Variants in PLEKHG7 observed in about 807,000 individuals in gnomAD.
The protein encoded by PLEKHG7 is pleckstrin homology and RhoGEF domain containing G7, also known as pleckstrin homology domain-containing family G member 7.
In PLEKHG7, 77 loss-of-function variants were observed where a neutral mutation model predicts 85.2. The observed-to-expected ratio is 0.90, with a 90% confidence interval of 0.75 to 1.09. The LOEUF is 1.09. Ranked by LOEUF, PLEKHG7 falls within the 50% of genes least tolerant of loss-of-function variation. The pLI is 0.00. For synonymous variants in PLEKHG7, 301 were observed against 302.4 expected (o/e 1.00, Z 0.05); for missense variants, 777 against 804.3 (o/e 0.97, Z 0.41).
chr12:92,716,817 T>A (rs970324705), intron 3 of PLEKHG7, among the ~76,000 whole-genome samples: 3 of 152,250 alleles, frequency 2.0e-5, no homozygotes, highest in African/African-American at 7.2e-5. Context: ...GAGCAGAGAC[T>A]GCTTCTTATT....
intron 7 of PLEKHG7, among the ~76,000 whole-genome samples, chr12:92,739,931 T>G (rs1872299962): frequency 6.6e-6 from 1 of 152,164 alleles, no homozygotes; most frequent in Middle Eastern, 3.2e-3. Flanking sequence ...ACCAGCAGCA[T>G]CAGAATCCCT....
intron 3 of PLEKHG7, among the ~76,000 whole-genome samples, chr12:92,725,195 C>A (rs567503626): frequency 6.6e-6 from 1 of 152,224 alleles, no homozygotes; most frequent in South Asian, 2.1e-4. Context: ...TAAAACATTC[C>A]CAGCCAAAGC....
At position 92,756,392 on chromosome 12, in the gene PLEKHG7, G is replaced by A. The variant is rs752881206; in HGVS notation, c.1636+1G>A. On this transcript the variant is annotated splice_donor_variant, in intron 13 of 16. Transcript: ENST00000344636. LOFTEE classifies it high-confidence loss of function. ...TATGAAGGAAAATTAACTCTTGCAG[G>A]TAAATAACTGCTTCCTTTAAAAAAC... is the stretch of plus-strand genomic sequence containing the variant. 2.5e-6 allele frequency: 4 copies of A among 1,601,608 alleles called. No individual in the cohort carries two copies. In the Admixed American group the frequency reaches 6.7e-5, roughly 27 times the overall value.
At chr12:92,737,610 A>C in intron 7 of PLEKHG7, 89 bp downstream of exon 7, 1 of 1,292,906 alleles carries the variant, frequency 7.7e-7, no homozygotes, top group South Asian at 1.3e-5. Flanking sequence ...GAAATAAAGA[A>C]AAGAAAGAGA....
intron 10 of PLEKHG7, among the ~76,000 whole-genome samples, chr12:92,746,287 T>C (rs1872530986): frequency 6.6e-6 from 1 of 152,176 alleles, no homozygotes; most frequent in Non-Finnish European, 1.5e-5. Flanking sequence ...GAAAACCAGC[T>C]CTTCCCTGCA....
At chr12:92,737,626 G>GAAAGAA in intron 7 of PLEKHG7, 105 bp downstream of exon 7, 1 of 1,033,268 alleles carries the variant, frequency 9.7e-7, no homozygotes, top group Non-Finnish European at 1.4e-6. Flanking sequence ...AGAGAGAAAA[G>GAAAGAA]AAAGAAAGAG....
chr12:92,770,078 TTTTCAACAGAAA>T lies in PLEKHG7; in HGVS notation c.1969-9_1971del, dbSNP rs1298534789. 6.4e-7 allele frequency: 1 copy of T among 1,560,498 alleles called. No individual in the cohort carries two copies. The highest frequency in any genetic ancestry group is 8.7e-7 in the Non-Finnish European group (1 of 1,151,886). On this transcript the variant is annotated splice_acceptor_variant and splice_polypyrimidine_tract_variant and coding_sequence_variant and intron_variant, in exon 17 of 17. Coordinates refer to ENST00000344636, the MANE Select transcript of PLEKHG7 (RefSeq NM_001377329.1). LOFTEE classifies it high-confidence loss of function. ...TCTCTATTTATGTATTTTTTTCTTT[TTTTCAACAGAAA>T]ACATGGATGGCACAAATAACAACTG...
At chr12:92,752,080 C>T (rs1233300264) in intron 10 of PLEKHG7, among the ~76,000 whole-genome samples, 1 of 151,460 alleles carries the variant, frequency 6.6e-6, no homozygotes, top group Non-Finnish European at 1.5e-5. Flanking sequence ...CCACCTCACC[C>T]CACCAAGGAC....
intron 3 of PLEKHG7, chr12:92,721,545 T>C (rs1329181717): frequency 1.6e-5 from 19 of 1,225,104 alleles, no homozygotes; most frequent in East Asian, 9.5e-5. Flanking sequence ...AGTGGCTATA[T>C]TGGGGTTTCT....
In PLEKHG7 at chr12:92,721,592, G is replaced by A. The variant is rs970906852; in HGVS notation, c.531-7401G>A. The A allele has an allele frequency of 6.8e-6, 8 of 1,176,626 alleles. No homozygotes were observed. In the African/African-American group the frequency reaches 1.1e-4, roughly 16 times the overall value. 72.9% of individuals were successfully genotyped at this position (1,176,626 alleles called of 1,614,324 possible). A position where few individuals can be genotyped will look rare whatever the true frequency, so the allele number is the denominator to read the frequency against. ...GGGGGTGGGGAAAGCCAGTGGAAGG[G>A]TGTCCTGCTCTAGAGAGCTGCAAAG... On this transcript the variant is annotated intron_variant, in intron 3 of 16. Coordinates refer to ENST00000344636, the MANE Select transcript of PLEKHG7 (RefSeq NM_001377329.1).
chr12:92,707,232 C>T (rs1476749337), intron 2 of PLEKHG7, 94 bp downstream of exon 2: 33 of 1,475,126 alleles, frequency 2.2e-5, no homozygotes, highest in Non-Finnish European at 1.5e-5. Context: ...GCCAGTAGAT[C>T]CTAAAAAGGA....
At chr12:92,744,034 C>T (rs11106691) in intron 9 of PLEKHG7, among the ~76,000 whole-genome samples, 3 of 152,222 alleles carry the variant, frequency 2.0e-5, no homozygotes, top group Non-Finnish European at 2.9e-5. Context: ...TTACTTCTTG[C>T]TGAAGCCAAA....
chr12:92,760,211 G>A (rs915915105), intron 13 of PLEKHG7, among the ~76,000 whole-genome samples: 2 of 152,154 alleles, frequency 1.3e-5, no homozygotes, highest in Non-Finnish European at 2.9e-5. Context: ...CTCTGAGGAT[G>A]GGTACTCACT....
intron 13 of PLEKHG7, 73 bp from the exon 14 acceptor site, chr12:92,761,654 GAAAGAAAGAAAGAAAGAAAGAAAGA>G (rs1303662676): frequency 5.0e-6 from 6 of 1,198,184 alleles, no homozygotes; most frequent in Non-Finnish European, 6.5e-6. Flanking sequence ...AAGAAAGAAA[GAAAGAAAGAAAGAAAGAAAGAAAGA>G]AAGAAAGGGA....
rs752881206 is a variant in PLEKHG7, at chr12:92,756,392, G to T, written c.1636+1G>T. On this transcript the variant is annotated splice_donor_variant, in intron 13 of 16. Transcript: ENST00000344636. LOFTEE classifies it high-confidence loss of function. ...TATGAAGGAAAATTAACTCTTGCAG[G>T]TAAATAACTGCTTCCTTTAAAAAAC... The T allele has an allele frequency of 1.9e-6, 3 of 1,601,608 alleles. No individual in the cohort carries two copies. The highest frequency in any genetic ancestry group is 2.7e-5 in the African/African-American group (2 of 74,600).
chr12:92,770,855 C>T lies in PLEKHG7; in HGVS notation c.*660C>T, dbSNP rs954453218. The T allele has an allele frequency of 2.0e-5, 3 of 152,216 alleles. No individual in the cohort carries two copies. The highest frequency in any genetic ancestry group is 7.2e-5 in the African/African-American group (3 of 41,552). 9.4% of individuals were successfully genotyped at this position (152,216 alleles called of 1,614,324 possible). A position where few individuals can be genotyped will look rare whatever the true frequency, so the allele number is the denominator to read the frequency against. ...GAAGAAAAAAAAAATCTGGCTTTCA[C>T]CAGTTAACACTTTTGCATGGCTTTT... On this transcript the variant is annotated 3_prime_UTR_variant, in exon 17 of 17. Transcript: ENST00000344636.
Position 92,723,749 on chromosome 12 carries a change from C to T in PLEKHG7, c.531-5244C>T, listed in dbSNP as rs563707777. On this transcript the variant is annotated intron_variant, in intron 3 of 16. Transcript: ENST00000344636. ...AAATTTGACCCCACATTCTTAACCA[C>T]CACTCCAGAGGACTATAGAAGCATG... is the stretch of plus-strand genomic sequence containing the variant. Among the ~76,000 whole-genome samples, 20 of 152,218 alleles carry T rather than the reference C, an allele frequency of 1.3e-4. No individual in the cohort carries two copies. In the South Asian group the frequency reaches 4.2e-3, roughly 32 times the overall value.
intron 9 of PLEKHG7, among the ~76,000 whole-genome samples, chr12:92,742,704 G>C (rs189274032): frequency 7.8e-4 from 118 of 151,350 alleles, no homozygotes; most frequent in African/African-American, 2.8e-3. Flanking sequence ...TCATGCCTCA[G>C]CCTCCCAAGT....
chr12:92,724,336 A>G (rs1871734738), intron 3 of PLEKHG7, among the ~76,000 whole-genome samples: 2 of 152,310 alleles, frequency 1.3e-5, no homozygotes, highest in East Asian at 3.9e-4. Flanking sequence ...CCTTATAACT[A>G]TCATTGACAT....
Sources: allele counts gnomAD v4.1 joint callset (sites outside exome capture counted in the v4.1 genomes callset), GRCh38; gene constraint gnomAD v4.1.1; transcripts MANE v1.5; gene names NCBI Gene and HGNC (gene_info 2026-07-23, HGNC 2026-07-21).